The following NALF1 variants were observed in gnomAD, a reference collection of about 807,000 sequenced individuals.
The protein encoded by NALF1 is NALCN channel auxiliary factor 1, also known as family with sequence similarity 155 member A.
NALF1 carries 3 observed loss-of-function variants against 48.4 expected under a neutral mutation model. That is an observed-to-expected ratio of 0.06 (90% CI 0.03 to 0.16). The LOEUF is 0.16. NALF1 is among the 10% of genes least tolerant of loss of function. The probability of loss-of-function intolerance (pLI) is 1.00; values close to 1 mark genes in which losing one functional copy is unlikely to be tolerated. For missense variants in NALF1, 526 were observed against 571.5 expected (o/e 0.92, Z 0.81); for synonymous variants, 262 against 245.7 (o/e 1.07, Z -0.62).
At chr13:107,809,264 G>A (rs754811056) in intron 1 of NALF1, among the ~76,000 whole-genome samples, 36 of 151,888 alleles carry the variant, frequency 2.4e-4, no homozygotes, top group Admixed American at 1.1e-3. Context: ...CCTAGACGTG[G>A]ACAAGGCTGT....
intron 1 of NALF1, among the ~76,000 whole-genome samples, chr13:107,578,689 T>G (rs112491902): frequency 1.3e-5 from 2 of 152,182 alleles, no homozygotes; most frequent in African/African-American, 4.8e-5. Context: ...CTGTGTTCCA[T>G]AGTACATATT....
chr13:107,625,947 A>T (rs1486976643), intron 1 of NALF1, among the ~76,000 whole-genome samples: 1 of 152,112 alleles, frequency 6.6e-6, no homozygotes, highest in Admixed American at 6.6e-5. Context: ...AAAACTGTAC[A>T]GTTATTCACT....
At chr13:107,810,820 T>A (rs1450177879) in intron 1 of NALF1, among the ~76,000 whole-genome samples, 2 of 152,104 alleles carry the variant, frequency 1.3e-5, no homozygotes, top group African/African-American at 4.8e-5. Flanking sequence ...GTGAACTAGA[T>A]CTTCAAAGTC....
chr13:107,179,670 C>G lies in NALF1; in HGVS notation c.1088-8884G>C, dbSNP rs1219791488. Among the ~76,000 whole-genome samples the G allele has an allele frequency of 2.1e-5, 2 of 96,450 alleles. 1 individual carries two copies. Among genetic ancestry groups the G allele is most frequent in the South Asian group, 8.3e-4 (2 of 2,414 alleles). 63.3% of individuals were successfully genotyped at this position (96,450 alleles called of 152,430 possible). On this transcript the variant is annotated intron_variant, in intron 2 of 2. Coordinates refer to ENST00000375915, the MANE Select transcript of NALF1 (RefSeq NM_001080396.3). The stretch of plus-strand genomic sequence containing the variant: ...ACAAAAGTTAAAAATGTTTTGAAAA[C>G]TAAAAAAAAAAAAAAACCACAGCAG...
intron 1 of NALF1, among the ~76,000 whole-genome samples, chr13:107,296,719 A>C (rs1161108186): frequency 6.6e-6 from 1 of 152,180 alleles, no homozygotes; most frequent in Non-Finnish European, 1.5e-5. Context: ...TCCTAGTTGC[A>C]ATGTACAAAG....
At chr13:107,373,217 C>A (rs1005008248) in intron 1 of NALF1, among the ~76,000 whole-genome samples, 6 of 152,146 alleles carry the variant, frequency 3.9e-5, no homozygotes, top group African/African-American at 1.4e-4. Flanking sequence ...GAAGAATAGA[C>A]CTAACAGGAA....
At chr13:107,300,470 G>C (rs1881815897) in intron 1 of NALF1, among the ~76,000 whole-genome samples, 1 of 152,122 alleles carries the variant, frequency 6.6e-6, no homozygotes. Flanking sequence ...TGGACAATTA[G>C]AATGATTCAT....
At chr13:107,236,181 C>T (rs899323971) in intron 1 of NALF1, among the ~76,000 whole-genome samples, 38 of 152,092 alleles carry the variant, frequency 2.5e-4, no homozygotes, top group Admixed American at 2.4e-3. Context: ...GTTGGTTGCT[C>T]TCTAGCTTGT....
At chr13:107,583,166 A>G (rs1233582000) in intron 1 of NALF1, among the ~76,000 whole-genome samples, 2 of 152,146 alleles carry the variant, frequency 1.3e-5, no homozygotes, top group Non-Finnish European at 2.9e-5. Context: ...TGAATTTGAT[A>G]GATAAGACAT....
intron 1 of NALF1, among the ~76,000 whole-genome samples, chr13:107,683,147 T>C (rs763055628): frequency 1.3e-4 from 20 of 151,966 alleles, no homozygotes; most frequent in Non-Finnish European, 1.5e-4. Context: ...CCTGTGGTCC[T>C]AGCAGTGGGA....
At chr13:107,270,934 G>A (rs940341200) in intron 1 of NALF1, among the ~76,000 whole-genome samples, 4 of 151,768 alleles carry the variant, frequency 2.6e-5, no homozygotes, top group South Asian at 2.1e-4. Flanking sequence ...TTGTCCTTGC[G>A]ATAGTTTGCT....
chr13:107,456,544 A>T (rs957139234), intron 1 of NALF1, among the ~76,000 whole-genome samples: 10 of 152,288 alleles, frequency 6.6e-5, no homozygotes, highest in African/African-American at 2.4e-4. Context: ...TGTGTCAGGT[A>T]ACACTACTTA....
chr13:107,824,257 T>C, intron 1 of NALF1, among the ~76,000 whole-genome samples: 1 of 152,086 alleles, frequency 6.6e-6, no homozygotes, highest in Non-Finnish European at 1.5e-5. Context: ...ATAGGGACCA[T>C]ATCACTAAAT....
At chr13:107,268,937 G>T (rs1881098495) in intron 1 of NALF1, among the ~76,000 whole-genome samples, 1 of 152,150 alleles carries the variant, frequency 6.6e-6, no homozygotes, top group Non-Finnish European at 1.5e-5. Context: ...TTTTAAGGAT[G>T]ATAGTAATGT....
chr13:107,379,504 A>T (rs2138972309), intron 1 of NALF1, among the ~76,000 whole-genome samples: 1 of 152,284 alleles, frequency 6.6e-6, no homozygotes. Flanking sequence ...TTTAAGTCTG[A>T]GATGCAAGTT....
At chr13:107,808,182 G>A (rs891172481) in intron 1 of NALF1, among the ~76,000 whole-genome samples, 4 of 152,088 alleles carry the variant, frequency 2.6e-5, no homozygotes, top group Non-Finnish European at 5.9e-5. Context: ...ATTTTTGTAA[G>A]GTTGCAGTAG....
chr13:107,865,571 C>CA, intron 1 of NALF1, 111 bp downstream of exon 1: 1 of 1,425,182 alleles, frequency 7.0e-7, no homozygotes, highest in Non-Finnish European at 9.4e-7. Flanking sequence ...GCAGAAAACA[C>CA]AAAGTAACAA....
intron 1 of NALF1, among the ~76,000 whole-genome samples, chr13:107,734,418 A>G (rs1273815456): frequency 6.6e-6 from 1 of 151,852 alleles, no homozygotes; most frequent in African/African-American, 2.4e-5. Context: ...AAACACACAC[A>G]CACACACACA....
intron 1 of NALF1, among the ~76,000 whole-genome samples, chr13:107,485,538 A>C (rs1298591533): frequency 6.6e-6 from 1 of 152,146 alleles, no homozygotes; most frequent in Non-Finnish European, 1.5e-5. Flanking sequence ...ATTTACCATC[A>C]GATATTCAAC....
Sources: gnomAD v4.1 joint callset for allele counts (sites outside exome capture counted in the v4.1 genomes callset) on GRCh38, gnomAD v4.1.1 for gene constraint, MANE v1.5 for transcripts, NCBI Gene and HGNC (gene_info 2026-07-23, HGNC 2026-07-21) for gene names.